The following GARRE1 variants were observed in gnomAD, a reference collection of about 807,000 sequenced individuals.
GARRE1 encodes granule associated Rac and RHOG effector protein 1.
Under a neutral mutation model 103.2 loss-of-function variants are expected in GARRE1, and 49 were observed. The observed-to-expected ratio is 0.47, with a 90% CI of 0.38 to 0.60. GARRE1 has a LOEUF of 0.60. Among genes scored for constraint, GARRE1 ranks in the 20% least tolerant of loss-of-function variants. GARRE1 has a pLI of 0.00. For missense variants in GARRE1, 1,199 were observed against 1,370.5 expected, an observed-to-expected ratio of 0.87 and a Z score of 1.98; for synonymous variants, 505 against 532.8, an observed-to-expected ratio of 0.95 and a Z score of 0.72.
chr19:34,287,801 T>C (rs573743019), intron 1 of GARRE1, among the ~76,000 whole-genome samples: 1 of 152,288 alleles, frequency 6.6e-6, no homozygotes, highest in South Asian at 2.1e-4. Context: ...CTGGCCTCTT[T>C]TTATAAGGGC....
At chr19:34,328,790 T>C (rs992936240) in intron 6 of GARRE1, among the ~76,000 whole-genome samples, 1 of 152,038 alleles carries the variant, frequency 6.6e-6, no homozygotes, top group Non-Finnish European at 1.5e-5. Context: ...GTATTTTTAG[T>C]AGAGACGGGG....
At chr19:34,317,484 T>G (rs1664904) in intron 2 of GARRE1, among the ~76,000 whole-genome samples, 115,008 of 152,044 alleles carry the variant, frequency 0.76, 44,018 homozygotes, top group Middle Eastern at 0.8. Context: ...GTGGGAGGAA[T>G]AGTTTGTGTC....
intron 1 of GARRE1, among the ~76,000 whole-genome samples, chr19:34,299,255 G>A (rs900642525): frequency 1.3e-5 from 2 of 152,090 alleles, no homozygotes; most frequent in African/African-American, 4.8e-5. Context: ...GATTTCCCTT[G>A]CCCTTTGCCC....
chr19:34,318,458 C>T (rs545710398), intron 2 of GARRE1, among the ~76,000 whole-genome samples: 4 of 152,320 alleles, frequency 2.6e-5, no homozygotes, highest in Admixed American at 6.5e-5. Context: ...GGCTGAGGGC[C>T]GGCTGTGAGT....
At position 34,330,192 on chromosome 19, in the gene GARRE1, A is replaced by G; in HGVS notation, c.1108A>G (p.Thr370Ala). 1 of 1,613,850 alleles carries G rather than the reference A, an allele frequency of 6.2e-7. No individual in the cohort carries two copies. The highest frequency in any genetic ancestry group is 1.3e-5 in the African/African-American group (1 of 75,066). Reference sequence around the variant, plus strand: ...CTCTCTTCTTATCAATCTATAGCATACAATGTTACAGCTGATGAAGGAGGC... The same window carrying G: ...CTCTCTTCTTATCAATCTATAGCATGCAATGTTACAGCTGATGAAGGAGGC... ...AADNLKLKTHTMLQLMKEAGC... is the reference protein window; with the variant it reads ...AADNLKLKTHAMLQLMKEAGC... Residue 370 changes from threonine (T) to alanine (A), a missense_variant, in exon 7 of 14, where the codon ACA (threonine) becomes GCA (alanine). Transcript: ENST00000299505.
intron 1 of GARRE1, among the ~76,000 whole-genome samples, chr19:34,287,563 T>A (rs1047871544): frequency 2.0e-5 from 3 of 152,234 alleles, no homozygotes; most frequent in African/African-American, 7.2e-5. Context: ...CATAGACTTT[T>A]ACTGCCTACA....
chr19:34,349,512 C>T (rs761623705), intron 12 of GARRE1, among the ~76,000 whole-genome samples: 1 of 152,226 alleles, frequency 6.6e-6, no homozygotes, highest in Non-Finnish European at 1.5e-5. Context: ...CTCAATTACC[C>T]TCCATCTCTT....
At chr19:34,280,176 T>C (rs764208201) in intron 1 of GARRE1, among the ~76,000 whole-genome samples, 7 of 151,980 alleles carry the variant, frequency 4.6e-5, no homozygotes, top group Non-Finnish European at 1.0e-4. Context: ...CCAGGTCTCA[T>C]GAGAACCCAC....
At chr19:34,293,163 T>A (rs1327098155) in intron 1 of GARRE1, among the ~76,000 whole-genome samples, 3 of 152,236 alleles carry the variant, frequency 2.0e-5, no homozygotes, top group Non-Finnish European at 4.4e-5. Context: ...CATATTAGCT[T>A]AAGTTGCTCT....
intron 1 of GARRE1, among the ~76,000 whole-genome samples, chr19:34,280,965 C>G (rs1373182068): frequency 2.0e-5 from 3 of 149,294 alleles, no homozygotes; most frequent in Non-Finnish European, 4.4e-5. Flanking sequence ...CTAGGAAATA[C>G]ATACTTTTTG....
Position 34,300,571 on chromosome 19 carries a change from C to A in GARRE1, c.98C>A (p.Pro33Gln). ...KQKVQQHQQY[P>Q]MPELGRALSA... is the part of the protein sequence containing the mutation. ...AAGGTGCAGCAGCACCAGCAATACC[C>A]GATGCCTGAGCTGGGCCGAGCACTG... Residue 33 changes from proline to glutamine, a missense_variant, in exon 2 of 14, where the codon CCG becomes CAG. Transcript: ENST00000299505. 6.2e-7 allele frequency: 1 copy of A among 1,613,452 alleles called. No individual in the cohort carries two copies. Among genetic ancestry groups the A allele is most frequent in the African/African-American group, 1.3e-5 (1 of 75,056 alleles).
At chr19:34,259,658 TTTTG>T (rs763199675) in intron 1 of GARRE1, among the ~76,000 whole-genome samples, 8 of 150,754 alleles carry the variant, frequency 5.3e-5, no homozygotes, top group Admixed American at 2.6e-4. Flanking sequence ...ATGAAGTTTT[TTTTG>T]TTTGTTTGTT....
chr19:34,312,953 A>G (rs1234911804), intron 2 of GARRE1, among the ~76,000 whole-genome samples: 1 of 152,158 alleles, frequency 6.6e-6, no homozygotes, highest in Non-Finnish European at 1.5e-5. Context: ...AAAATAATAA[A>G]TAAATAAAGG....
intron 7 of GARRE1, among the ~76,000 whole-genome samples, chr19:34,330,723 G>A (rs2074133444): frequency 6.9e-6 from 1 of 144,054 alleles, no homozygotes; most frequent in African/African-American, 2.6e-5. Flanking sequence ...GTGAGACCCT[G>A]CCTCTTTTTT....
intron 9 of GARRE1, among the ~76,000 whole-genome samples, chr19:34,341,097 C>G (rs923722979): frequency 6.6e-6 from 1 of 152,202 alleles, no homozygotes; most frequent in African/African-American, 2.4e-5. Flanking sequence ...GCTGTAGCCC[C>G]TGTCCTCCAG....
At position 34,355,509 on chromosome 19, in the gene GARRE1, T is replaced by C. The variant is rs1241854262; in HGVS notation, c.*2554T>C. On this transcript the variant is annotated 3_prime_UTR_variant, in exon 14 of 14. Coordinates refer to ENST00000299505, the MANE Select transcript of GARRE1 (RefSeq NM_014686.5). ...CTGGAACTCTACATTTTGTATCTTT[T>C]AAAGCTCCTATAAGTAAAATAACTA... The C allele has an allele frequency of 2.6e-5, 4 of 152,694 alleles. No homozygotes were observed. Among genetic ancestry groups the C allele is most frequent in the African/African-American group, 9.6e-5 (4 of 41,474 alleles). 9.5% of individuals were successfully genotyped at this position (152,694 alleles called of 1,614,324 possible). A position where few individuals can be genotyped will look rare whatever the true frequency, so the allele number is the denominator to read the frequency against.
At chr19:34,267,335 A>T (rs961046155) in intron 1 of GARRE1, among the ~76,000 whole-genome samples, 3 of 152,156 alleles carry the variant, frequency 2.0e-5, no homozygotes, top group Non-Finnish European at 4.4e-5. Flanking sequence ...AGTAGCTGGG[A>T]CTACAGATAT....
chr19:34,305,018 T>C (rs1599765154), intron 2 of GARRE1, among the ~76,000 whole-genome samples: 1 of 151,962 alleles, frequency 6.6e-6, no homozygotes, highest in Admixed American at 6.5e-5. Context: ...GGTCTTGATC[T>C]CCTGACCTCG....
rs574290005 is a variant in GARRE1, at chr19:34,302,271, C to T, written c.495+1303C>T. On this transcript the variant is annotated intron_variant, in intron 2 of 13. Coordinates refer to ENST00000299505, the MANE Select transcript of GARRE1 (RefSeq NM_014686.5). The stretch of plus-strand genomic sequence containing the variant: ...CCTCCCAAAGTGCTGGGATTACAGG[C>T]AGGAGCCACCGCGCCCAGCCGTTTT... Among the ~76,000 whole-genome samples the T allele has an allele frequency of 1.1e-4, 15 of 137,736 alleles. No homozygotes were observed. In the South Asian group the frequency reaches 3.0e-3, roughly 28 times the overall value. The allele number at this position is 137,736 out of a possible 152,430, so 90.4% of individuals were successfully genotyped here.
Sources: gnomAD v4.1 joint callset for allele counts (sites outside exome capture counted in the v4.1 genomes callset) on GRCh38, gnomAD v4.1.1 for gene constraint, MANE v1.5 for transcripts, NCBI Gene and HGNC (gene_info 2026-07-23, HGNC 2026-07-21) for gene names.